The following GPM6A variants were observed in gnomAD, a reference collection of about 807,000 sequenced individuals.
GPM6A encodes neuronal membrane glycoprotein M6-a.
GPM6A carries 7 observed loss-of-function variants against 32.1 expected under a neutral mutation model. The observed-to-expected ratio is 0.22, with a 90% CI of 0.12 to 0.41. The LOEUF is 0.41. Among genes scored for constraint, GPM6A ranks in the 10% least tolerant of loss-of-function variants. The probability of loss-of-function intolerance (pLI) is 1.00; values close to 1 mark genes in which losing one functional copy is unlikely to be tolerated. For synonymous variants in GPM6A, 130 were observed against 123.4 expected (o/e 1.05, Z -0.35); for missense variants, 235 against 347.2 (o/e 0.68, Z 2.57).
At chr4:175,929,557 G>C (rs78105909) in intron 1 of GPM6A, among the ~76,000 whole-genome samples, 3,422 of 152,214 alleles carry the variant, frequency 0.022, 54 homozygotes, top group Non-Finnish European at 0.031. Flanking sequence ...GCATGTATAC[G>C]ACTTGCCAGG....
chr4:175,785,335 GA>G (rs1733760233), intron 1 of GPM6A, among the ~76,000 whole-genome samples: 1 of 152,166 alleles, frequency 6.6e-6, no homozygotes, highest in African/African-American at 2.4e-5. Context: ...GGAGACTGCA[GA>G]TGTCCCAGCA....
intron 1 of GPM6A, among the ~76,000 whole-genome samples, chr4:175,760,434 A>G (rs1732694245): frequency 6.6e-6 from 1 of 152,130 alleles, no homozygotes; most frequent in Non-Finnish European, 1.5e-5. Context: ...GGAGACAAGC[A>G]ACACAACAAC....
intron 4 of GPM6A, 188 bp from the exon 5 acceptor site, chr4:175,641,017 A>C (rs1741111641): frequency 1.8e-6 from 1 of 568,034 alleles, no homozygotes; most frequent in Non-Finnish European, 3.1e-6. Context: ...ATAATATGCA[A>C]GACTATTTAG....
chr4:175,911,793 C>T (rs932819927), intron 1 of GPM6A, among the ~76,000 whole-genome samples: 2 of 152,086 alleles, frequency 1.3e-5, no homozygotes, highest in Non-Finnish European at 2.9e-5. Context: ...GACCAAACAT[C>T]TGAAGGTGAG....
At chr4:175,665,668 G>A (rs962456239) in intron 3 of GPM6A, among the ~76,000 whole-genome samples, 14 of 151,478 alleles carry the variant, frequency 9.2e-5, no homozygotes, top group African/African-American at 3.4e-4. Context: ...CATGATCCCA[G>A]CTACTCAGGA....
intron 1 of GPM6A, among the ~76,000 whole-genome samples, chr4:175,756,469 T>C (rs1290909683): frequency 2.6e-5 from 4 of 152,056 alleles, no homozygotes; most frequent in Admixed American, 1.3e-4. Flanking sequence ...TGGTTTCATG[T>C]TGTGTGTGAG....
intron 1 of GPM6A, among the ~76,000 whole-genome samples, chr4:175,967,459 G>A (rs1032894817): frequency 1.3e-4 from 20 of 152,074 alleles, no homozygotes; most frequent in African/African-American, 4.8e-4. Context: ...GAAATAAAAG[G>A]TATTAATATT....
intron 1 of GPM6A, among the ~76,000 whole-genome samples, chr4:175,778,521 A>G (rs1733483487): frequency 6.7e-6 from 1 of 148,312 alleles, no homozygotes; most frequent in African/African-American, 2.5e-5. Flanking sequence ...GCTACTTGGG[A>G]GGCTGAGGCA....
intron 1 of GPM6A, among the ~76,000 whole-genome samples, chr4:175,914,861 G>A (rs968664128): frequency 5.9e-5 from 9 of 152,092 alleles, no homozygotes; most frequent in African/African-American, 2.2e-4. Flanking sequence ...TTGCCATAGT[G>A]TTTGCGGCCC....
intron 1 of GPM6A, chr4:175,787,630 T>G: frequency 7.7e-7 from 1 of 1,293,756 alleles, no homozygotes; most frequent in African/African-American, 1.5e-5. Context: ...TGTATCTAAT[T>G]GCTTTACTGA....
At chr4:175,938,737 C>CAAAAAAAAAAAAAAAAAAAA (rs3034711) in intron 1 of GPM6A, among the ~76,000 whole-genome samples, 1 of 134,096 alleles carries the variant, frequency 7.5e-6, no homozygotes. Flanking sequence ...AAAGTAAAAC[C>CAAAAAAAAAAAAAAAAAAAA]AAAAAAAAAA....
chr4:175,868,036 G>T lies in GPM6A; in HGVS notation c.-22-55787C>A, dbSNP rs1310173039. Among the ~76,000 whole-genome samples the T allele has an allele frequency of 2.0e-5, 3 of 152,190 alleles. No homozygotes were observed. In the East Asian group the frequency reaches 5.8e-4, roughly 29 times the overall value. ...GGTCCATCTGGTTGAACTTGTGAAGGTGAATATTGTGCCTTGTCCCCGTGA... is the reference window on the plus strand; with the variant it reads ...GGTCCATCTGGTTGAACTTGTGAAGTTGAATATTGTGCCTTGTCCCCGTGA... On this transcript the variant is annotated intron_variant, in intron 1 of 7. Coordinates refer to the GPM6A transcript ENST00000280187.
intron 1 of GPM6A, among the ~76,000 whole-genome samples, chr4:175,994,102 T>C (rs1741232092): frequency 6.6e-6 from 1 of 152,136 alleles, no homozygotes; most frequent in African/African-American, 2.4e-5. Flanking sequence ...CTGACAGGCA[T>C]AGATATGCAT....
At chr4:175,900,435 T>C (rs1352437794) in intron 1 of GPM6A, among the ~76,000 whole-genome samples, 2 of 147,202 alleles carry the variant, frequency 1.4e-5, no homozygotes, top group African/African-American at 2.5e-5. Context: ...AATCTAATAA[T>C]CCGGTCAAAA....
chr4:175,709,289 TTC>T (rs1049023216), intron 1 of GPM6A, among the ~76,000 whole-genome samples: 1 of 150,646 alleles, frequency 6.6e-6, no homozygotes, highest in Non-Finnish European at 1.5e-5. Context: ...TCTGCCCCCT[TTC>T]TCTCTCTGTC....
At chr4:175,873,856 T>C (rs934476506) in intron 1 of GPM6A, among the ~76,000 whole-genome samples, 3 of 152,234 alleles carry the variant, frequency 2.0e-5, no homozygotes, top group African/African-American at 7.2e-5. Context: ...TAGTGTGTCA[T>C]AAAGTTATGC....
At chr4:175,814,052 G>A (rs1735025817), upstream of GPM6A, among the ~76,000 whole-genome samples, 1 of 152,152 alleles carries the variant, frequency 6.6e-6, no homozygotes, top group Admixed American at 6.5e-5. Flanking sequence ...TCATCCCTAG[G>A]CTGACATAAC....
intron 3 of GPM6A, among the ~76,000 whole-genome samples, chr4:175,657,686 T>C (rs530932230): frequency 6.6e-6 from 1 of 152,302 alleles, no homozygotes; most frequent in South Asian, 2.1e-4. Context: ...TTGTCACTAC[T>C]GAACTTGAGG....
At chr4:175,664,643 T>C (rs961748370) in intron 3 of GPM6A, among the ~76,000 whole-genome samples, 1 of 152,194 alleles carries the variant, frequency 6.6e-6, no homozygotes, top group African/African-American at 2.4e-5. Flanking sequence ...ACTTAACCTC[T>C]CCATCCTGAT....
Sources: allele counts gnomAD v4.1 joint callset (sites outside exome capture counted in the v4.1 genomes callset), GRCh38; gene constraint gnomAD v4.1.1; transcripts MANE v1.5; gene names NCBI Gene and HGNC (gene_info 2026-07-23, HGNC 2026-07-21).